Variants in UVRAG observed in about 807,000 individuals in gnomAD.
The protein encoded by UVRAG is UV radiation resistance associated.
Under a neutral mutation model 78.0 loss-of-function variants are expected in UVRAG, and 19 were observed. That is an observed-to-expected ratio of 0.24 (90% CI 0.17 to 0.36). The LOEUF is 0.36. Ranked by LOEUF, UVRAG falls within the 10% of genes least tolerant of loss-of-function variation. The probability of loss-of-function intolerance (pLI) is 1.00; values close to 1 mark genes in which losing one functional copy is unlikely to be tolerated. For missense variants in UVRAG, 740 were observed against 853.8 expected, an observed-to-expected ratio of 0.87 and a Z score of 1.66; for synonymous variants, 323 against 324.6, an observed-to-expected ratio of 1.00 and a Z score of 0.05.
At chr11:76,112,289 C>T (rs1038548586) in intron 13 of UVRAG, among the ~76,000 whole-genome samples, 3 of 152,076 alleles carry the variant, frequency 2.0e-5, no homozygotes, top group Non-Finnish European at 4.4e-5. Context: ...TAAAGAAATA[C>T]TTTGGAACTA....
intron 3 of UVRAG, among the ~76,000 whole-genome samples, chr11:75,866,022 C>G (rs958885131): frequency 6.6e-6 from 1 of 151,904 alleles, no homozygotes; most frequent in African/African-American, 2.4e-5. Context: ...TTTGGGAGAC[C>G]AAGGTGGGCG....
intron 13 of UVRAG, among the ~76,000 whole-genome samples, chr11:76,100,336 C>G (rs1951856799): frequency 6.6e-6 from 1 of 152,132 alleles, no homozygotes; most frequent in Non-Finnish European, 1.5e-5. Context: ...CTAAAAACCT[C>G]TATACTATTG....
At chr11:75,947,602 T>G (rs924574355) in intron 6 of UVRAG, among the ~76,000 whole-genome samples, 1 of 152,196 alleles carries the variant, frequency 6.6e-6, no homozygotes, top group Non-Finnish European at 1.5e-5. Context: ...AAAAGCACTT[T>G]GGAAACTAAA....
intron 13 of UVRAG, among the ~76,000 whole-genome samples, chr11:76,077,415 TTTGA>T (rs1401338094): frequency 9.2e-5 from 14 of 152,136 alleles, no homozygotes; most frequent in Non-Finnish European, 1.9e-4. Flanking sequence ...TACTGTACTC[TTTGA>T]TTGCTGAAAG....
intron 6 of UVRAG, among the ~76,000 whole-genome samples, chr11:75,928,569 A>G (rs905444139): frequency 3.3e-5 from 5 of 151,802 alleles, no homozygotes; most frequent in African/African-American, 7.3e-5. Context: ...GTTTGAGACC[A>G]GCCTAGGTAA....
chr11:75,917,741 TC>T (rs1282260313), intron 6 of UVRAG, among the ~76,000 whole-genome samples: 3 of 152,238 alleles, frequency 2.0e-5, no homozygotes, highest in African/African-American at 7.2e-5. Context: ...CATCCTAGTC[TC>T]CCAAGCTAGT....
At chr11:76,018,202 C>CT (rs982241433) in intron 12 of UVRAG, among the ~76,000 whole-genome samples, 34 of 150,386 alleles carry the variant, frequency 2.3e-4, no homozygotes, top group Non-Finnish European at 3.6e-4. Context: ...TTGTACTTTT[C>CT]TTTTTTTTTG....
At chr11:76,138,013 C>T (rs1376385570) in intron 14 of UVRAG, among the ~76,000 whole-genome samples, 1 of 152,134 alleles carries the variant, frequency 6.6e-6, no homozygotes, top group Non-Finnish European at 1.5e-5. Flanking sequence ...AGTTTTCATA[C>T]AAATCCAAGG....
At position 75,888,752 on chromosome 11, in the gene UVRAG, G is replaced by A. The variant is rs1023030094; in HGVS notation, c.433-77G>A. 37 of 1,261,600 alleles carry A rather than the reference G, an allele frequency of 2.9e-5. No individual in the cohort carries two copies. In the African/African-American group the frequency reaches 5.2e-4, roughly 18 times the overall value. 78.2% of individuals were successfully genotyped at this position (1,261,600 alleles called of 1,614,324 possible). On this transcript the variant is annotated intron_variant, in intron 4 of 14. Coordinates refer to ENST00000356136, the MANE Select transcript of UVRAG (RefSeq NM_003369.4). Reference sequence around the variant, plus strand: ...TCTCAGTATTGAAGTAGATCCTGTTGTAACTGTCATTCTCTGGTTGTATTA... The same window carrying A: ...TCTCAGTATTGAAGTAGATCCTGTTATAACTGTCATTCTCTGGTTGTATTA...
At chr11:75,883,716 G>A (rs751855879) in intron 4 of UVRAG, among the ~76,000 whole-genome samples, 4 of 152,114 alleles carry the variant, frequency 2.6e-5, no homozygotes, top group African/African-American at 4.8e-5. Flanking sequence ...AGAGTCGTAC[G>A]GGGAAGAGAT....
At chr11:76,053,767 C>T (rs574009855) in intron 12 of UVRAG, among the ~76,000 whole-genome samples, 8 of 152,128 alleles carry the variant, frequency 5.3e-5, no homozygotes, top group African/African-American at 1.4e-4. Flanking sequence ...GTCAGGAGAT[C>T]GAGACCAGCC....
At chr11:75,950,501 A>G (rs928937496) in intron 6 of UVRAG, among the ~76,000 whole-genome samples, 2 of 152,104 alleles carry the variant, frequency 1.3e-5, no homozygotes, top group African/African-American at 4.8e-5. Context: ...GATTTCTCCC[A>G]TCTCAGCTTC....
chr11:75,975,589 G>C (rs1329416291), intron 7 of UVRAG, among the ~76,000 whole-genome samples: 1 of 152,152 alleles, frequency 6.6e-6, no homozygotes, highest in Non-Finnish European at 1.5e-5. Context: ...CACATCCCTT[G>C]TAAGTTGGAT....
intron 8 of UVRAG, among the ~76,000 whole-genome samples, chr11:75,985,134 C>G (rs936823191): frequency 6.6e-6 from 1 of 151,096 alleles, no homozygotes; most frequent in African/African-American, 2.4e-5. Context: ...CTTCCTACAT[C>G]CTTGTCAGGA....
intron 13 of UVRAG, among the ~76,000 whole-genome samples, chr11:76,093,712 T>A (rs1424589530): frequency 6.6e-6 from 1 of 152,246 alleles, no homozygotes; most frequent in Non-Finnish European, 1.5e-5. Flanking sequence ...TGATTTTGTA[T>A]CCTGAGACTT....
chr11:75,925,093 A>G (rs1158513527), intron 6 of UVRAG, among the ~76,000 whole-genome samples: 2 of 152,184 alleles, frequency 1.3e-5, no homozygotes, highest in Non-Finnish European at 2.9e-5. Flanking sequence ...TTACTGGACT[A>G]AGACTGCTTT....
At chr11:75,987,220 A>G (rs1350702082) in intron 8 of UVRAG, among the ~76,000 whole-genome samples, 1 of 152,170 alleles carries the variant, frequency 6.6e-6, no homozygotes. Flanking sequence ...CCTACCAACA[A>G]TATATGAGGG....
chr11:75,955,169 A>G (rs1948770383), intron 6 of UVRAG, among the ~76,000 whole-genome samples: 1 of 152,170 alleles, frequency 6.6e-6, no homozygotes, highest in Non-Finnish European at 1.5e-5. Flanking sequence ...TGTCTTTTTA[A>G]GAGAGTATTA....
intron 3 of UVRAG, among the ~76,000 whole-genome samples, chr11:75,875,008 A>G (rs756355259): frequency 5.9e-5 from 9 of 152,252 alleles, no homozygotes; most frequent in Non-Finnish European, 1.0e-4. Flanking sequence ...GATTACTCCT[A>G]TGTCTGCATA....
Sources: gnomAD v4.1 joint callset for allele counts (sites outside exome capture counted in the v4.1 genomes callset) on GRCh38, gnomAD v4.1.1 for gene constraint, MANE v1.5 for transcripts, NCBI Gene and HGNC (gene_info 2026-07-23, HGNC 2026-07-21) for gene names.